Variants in LRP1B observed in about 807,000 individuals in gnomAD.
LRP1B encodes the protein LDL receptor related protein 1B, also known as low-density lipoprotein receptor-related protein 1B.
LRP1B carries 217 observed loss-of-function variants against 556.6 expected under a neutral mutation model. That is an observed-to-expected ratio of 0.39 (90% CI 0.35 to 0.44). The LOEUF (loss-of-function observed/expected upper bound fraction) is 0.44, where lower values mean the gene tolerates loss of function less well. LRP1B is among the 20% of genes least tolerant of loss of function. The pLI is 1.00. For synonymous variants in LRP1B, 2,047 were observed against 1,865.8 expected (o/e 1.10, Z -2.50); for missense variants, 5,053 against 5,620.8 (o/e 0.90, Z 3.23).
intron 3 of LRP1B, among the ~76,000 whole-genome samples, chr2:141,321,261 A>G (rs1358747282): frequency 6.6e-6 from 1 of 152,112 alleles, no homozygotes; most frequent in Non-Finnish European, 1.5e-5. Context: ...GTTAATAGTA[A>G]ATAAATTATT....
At chr2:141,532,275 G>GT (rs1437141621) in intron 2 of LRP1B, among the ~76,000 whole-genome samples, 1 of 151,268 alleles carries the variant, frequency 6.6e-6, no homozygotes, top group Admixed American at 6.6e-5. Flanking sequence ...ATTTTCTGGT[G>GT]TTTTTTGGGC....
rs72975015 is a variant in LRP1B at position 141,010,194 on chromosome 2, C to G, written c.2380+3362G>C. Among the ~76,000 whole-genome samples, 424 of 151,840 alleles carry G rather than the reference C, an allele frequency of 2.8e-3. 4 individuals carry two copies. Among genetic ancestry groups the G allele is most frequent in the African/African-American group, 8.8e-3 (364 of 41,428 alleles). On this transcript the variant is annotated intron_variant, in intron 14 of 90. Transcript: ENST00000389484. ...TACTTAGTTTTGATTATCTCATTCC[C>G]CAAAATGTGCAAAAAATCAAAGTGT...
intron 11 of LRP1B, among the ~76,000 whole-genome samples, chr2:141,025,244 C>G (rs559817019): frequency 6.6e-6 from 1 of 152,088 alleles, no homozygotes; most frequent in South Asian, 2.1e-4. Context: ...GCAATAAATG[C>G]AGATAGATAG....
intron 66 of LRP1B, among the ~76,000 whole-genome samples, chr2:140,439,884 A>T (rs1011832460): frequency 5.3e-5 from 8 of 152,096 alleles, no homozygotes; most frequent in African/African-American, 1.7e-4. Flanking sequence ...TATAGAATTT[A>T]AAAAAATTTA....
chr2:140,809,728 C>A (rs80088611), intron 32 of LRP1B, among the ~76,000 whole-genome samples: 4,636 of 152,254 alleles, frequency 0.03, 101 homozygotes, highest in South Asian at 0.11. Context: ...AATCTGGGAG[C>A]AGCCATGTGG....
chr2:141,348,435 A>G (rs1216679379), intron 3 of LRP1B, among the ~76,000 whole-genome samples: 1 of 152,004 alleles, frequency 6.6e-6, no homozygotes, highest in African/African-American at 2.4e-5. Flanking sequence ...AGATAATATA[A>G]TGGTCAAATA....
intron 2 of LRP1B, among the ~76,000 whole-genome samples, chr2:141,481,509 C>T (rs944497321): frequency 1.3e-5 from 2 of 152,060 alleles, no homozygotes; most frequent in Non-Finnish European, 2.9e-5. Context: ...AGAACTCTGC[C>T]GAATCCATGC....
At chr2:141,735,871 G>T (rs1313586990) in intron 2 of LRP1B, among the ~76,000 whole-genome samples, 1 of 151,786 alleles carries the variant, frequency 6.6e-6, no homozygotes, top group East Asian at 1.9e-4. Flanking sequence ...GGAGCTGTTT[G>T]AAAAAAAGGT....
chr2:141,631,517 C>G lies in LRP1B; in HGVS notation c.206-150984G>C, dbSNP rs997778410. On this transcript the variant is annotated intron_variant, in intron 2 of 90. Coordinates refer to ENST00000389484, the MANE Select transcript of LRP1B (RefSeq NM_018557.3). ...CTAGGTTCCATGTAATCAAAATGAA[C>G]TTTAAAATGAACCAGTTTTCCAAAA... is the stretch of plus-strand genomic sequence containing the variant. 4.6e-4 allele frequency among the ~76,000 whole-genome samples: 54 copies of G among 116,654 alleles called. 1 individual carries two copies. Among genetic ancestry groups the G allele is most frequent in the Non-Finnish European group, 7.0e-4 (40 of 57,286 alleles). The allele number at this position is 116,654 out of a possible 152,430, so 76.5% of individuals were successfully genotyped here.
At chr2:142,102,897 G>T (rs896366302) in intron 1 of LRP1B, among the ~76,000 whole-genome samples, 3 of 151,738 alleles carry the variant, frequency 2.0e-5, no homozygotes, top group Non-Finnish European at 4.4e-5. Context: ...AGAATAATTT[G>T]GTGGTTGGTT....
chr2:142,085,890 C>T (rs566487553), intron 1 of LRP1B, among the ~76,000 whole-genome samples: 1 of 152,176 alleles, frequency 6.6e-6, no homozygotes, highest in Middle Eastern at 3.2e-3. Context: ...AACTATCCCA[C>T]TCTCCTCTGG....
chr2:142,041,006 G>T (rs1337723840), intron 1 of LRP1B, among the ~76,000 whole-genome samples: 1 of 151,276 alleles, frequency 6.6e-6, no homozygotes, highest in Admixed American at 6.6e-5. Context: ...CCAGTGAAAC[G>T]TTTCTAAAAA....
chr2:140,864,214 T>C (rs1692882640), intron 27 of LRP1B, among the ~76,000 whole-genome samples: 1 of 151,952 alleles, frequency 6.6e-6, no homozygotes, highest in East Asian at 1.9e-4. Context: ...AGGACTTAGC[T>C]AGACTCTATA....
At chr2:141,470,469 T>C (rs1020051392) in intron 3 of LRP1B, among the ~76,000 whole-genome samples, 20 of 152,302 alleles carry the variant, frequency 1.3e-4, no homozygotes, top group South Asian at 4.1e-4. Flanking sequence ...ATGTCTTCAG[T>C]TGAAATTCTA....
intron 7 of LRP1B, among the ~76,000 whole-genome samples, chr2:141,140,903 A>G (rs1036636143): frequency 6.6e-6 from 1 of 152,076 alleles, no homozygotes; most frequent in Non-Finnish European, 1.5e-5. Flanking sequence ...TATAAATTTA[A>G]TACAGGATTC....
intron 17 of LRP1B, among the ~76,000 whole-genome samples, chr2:140,984,203 A>C (rs992501503): frequency 1.3e-5 from 2 of 151,956 alleles, no homozygotes; most frequent in Middle Eastern, 3.4e-3. Context: ...ACTGGTTACA[A>C]TAAATACCTT....
intron 7 of LRP1B, among the ~76,000 whole-genome samples, chr2:141,126,000 C>T (rs1316259662): frequency 6.6e-6 from 1 of 151,678 alleles, no homozygotes; most frequent in Admixed American, 6.6e-5. Flanking sequence ...ATGGGCTTGG[C>T]TGAGCCCTCT....
chr2:140,477,512 A>G (rs1216503052), intron 59 of LRP1B, among the ~76,000 whole-genome samples: 1 of 152,142 alleles, frequency 6.6e-6, no homozygotes, highest in Non-Finnish European at 1.5e-5. Flanking sequence ...TAAATATCTC[A>G]GAAGTGAAAA....
At chr2:142,031,168 T>C (rs1484635830) in intron 1 of LRP1B, among the ~76,000 whole-genome samples, 3 of 151,796 alleles carry the variant, frequency 2.0e-5, no homozygotes, top group Non-Finnish European at 2.9e-5. Flanking sequence ...TAATATGATA[T>C]AGCTTTCTTT....
Sources: gnomAD v4.1 joint callset for allele counts (sites outside exome capture counted in the v4.1 genomes callset) on GRCh38, gnomAD v4.1.1 for gene constraint, MANE v1.5 for transcripts, NCBI Gene and HGNC (gene_info 2026-07-23, HGNC 2026-07-21) for gene names.